ITSN1: variants seen among roughly 807,000 people sequenced by gnomAD.
The protein encoded by ITSN1 is intersectin 1.
Under a neutral mutation model 239.8 loss-of-function variants are expected in ITSN1, and 58 were observed. That is an observed-to-expected ratio of 0.24 (90% CI 0.20 to 0.30). The LOEUF is 0.30. Ranked by LOEUF, ITSN1 falls within the 10% of genes least tolerant of loss-of-function variation. The pLI is 1.00. For synonymous variants in ITSN1, 780 were observed against 770.8 expected, an observed-to-expected ratio of 1.01 and a Z score of -0.20; for missense variants, 1,558 against 2,103.3, an observed-to-expected ratio of 0.74 and a Z score of 5.07.
Position 33,893,482 on chromosome 21 carries a change from CAGG to C in ITSN1, c.*5186_*5188del, listed in dbSNP as rs1986502019. The stretch of plus-strand genomic sequence containing the variant: ...GCAGGCACCTGTAATCCCAGCTACT[CAGG>C]AGGCTGAGGCAGGAGAATCACTCGA... On this transcript the variant is annotated 3_prime_UTR_variant, in exon 40 of 40. Transcript: ENST00000381318. 1 of 152,178 alleles carries C rather than the reference CAGG, an allele frequency of 6.6e-6. No homozygotes were observed. The highest frequency in any genetic ancestry group is 2.1e-4 in the South Asian group (1 of 4,816). 9.4% of individuals were successfully genotyped at this position (152,178 alleles called of 1,614,324 possible).
intron 5 of ITSN1, among the ~76,000 whole-genome samples, chr21:33,736,864 A>T (rs368699962): frequency 6.6e-6 from 1 of 152,182 alleles, no homozygotes; most frequent in East Asian, 1.9e-4. Flanking sequence ...GGGTGCCTAT[A>T]GTCCCAGCCA....
At chr21:33,833,563 G>T (rs988544030) in intron 27 of ITSN1, among the ~76,000 whole-genome samples, 6 of 152,156 alleles carry the variant, frequency 3.9e-5, no homozygotes, top group African/African-American at 9.7e-5. Context: ...ACAGGGCCTG[G>T]CTCATAAAAA....
chr21:33,729,340 C>G (rs1040239283), intron 4 of ITSN1, among the ~76,000 whole-genome samples: 2 of 151,816 alleles, frequency 1.3e-5, no homozygotes, highest in Admixed American at 1.3e-4. Flanking sequence ...GTCTCAGCTA[C>G]TCAGAGGATG....
At chr21:33,774,144 C>T (rs552237878) in intron 12 of ITSN1, among the ~76,000 whole-genome samples, 10 of 152,034 alleles carry the variant, frequency 6.6e-5, no homozygotes, top group Non-Finnish European at 1.2e-4. Context: ...GTTGGATGAC[C>T]CATGAGTCAG....
intron 33 of ITSN1, among the ~76,000 whole-genome samples, chr21:33,872,749 C>T (rs934754091): frequency 4.6e-5 from 7 of 152,136 alleles, no homozygotes; most frequent in Admixed American, 1.3e-4. Context: ...CCAGGCTTGT[C>T]TCAAACTCCT....
chr21:33,685,246 C>T (rs548842443), intron 1 of ITSN1, among the ~76,000 whole-genome samples: 1 of 152,284 alleles, frequency 6.6e-6, no homozygotes, highest in East Asian at 1.9e-4. Flanking sequence ...TTTATGTTTT[C>T]ACTGGATATA....
At chr21:33,783,148 A>G (rs781104239) in intron 16 of ITSN1, among the ~76,000 whole-genome samples, 1 of 152,192 alleles carries the variant, frequency 6.6e-6, no homozygotes, top group Non-Finnish European at 1.5e-5. Context: ...AAGAAATTGG[A>G]TGTTATACTT....
chr21:33,760,758 A>G (rs1159170118), intron 8 of ITSN1, among the ~76,000 whole-genome samples: 1 of 152,200 alleles, frequency 6.6e-6, no homozygotes, highest in Non-Finnish European at 1.5e-5. Context: ...AATAGCAAAA[A>G]GCAAAAACAT....
intron 36 of ITSN1, among the ~76,000 whole-genome samples, chr21:33,884,662 T>A (rs550792509): frequency 6.6e-4 from 101 of 152,366 alleles, no homozygotes; most frequent in African/African-American, 2.4e-3. Context: ...GTGGTTTTTG[T>A]TCTTTCTTTG....
At chr21:33,748,324 TCTATAGTCCCAG>T in intron 5 of ITSN1, among the ~76,000 whole-genome samples, 1 of 152,134 alleles carries the variant, frequency 6.6e-6, no homozygotes, top group Admixed American at 6.5e-5. Context: ...GTGGTGCGTG[TCTATAGTCCCAG>T]CTACTTGGAG....
At chr21:33,696,550 G>A (rs1315294977) in intron 1 of ITSN1, among the ~76,000 whole-genome samples, 1 of 152,164 alleles carries the variant, frequency 6.6e-6, no homozygotes, top group Non-Finnish European at 1.5e-5. Flanking sequence ...ATGTTTAAAT[G>A]TAGGGCATTT....
At chr21:33,755,260 G>A (rs767024940) in intron 7 of ITSN1, 37 bp from the exon 8 acceptor site, 4 of 1,294,566 alleles carry the variant, frequency 3.1e-6, no homozygotes, top group Non-Finnish European at 3.3e-6. Context: ...GTTCCTTATG[G>A]ATAATCCTCT....
intron 29 of ITSN1, among the ~76,000 whole-genome samples, chr21:33,844,813 G>A (rs1414148050): frequency 3.9e-5 from 6 of 152,022 alleles, no homozygotes; most frequent in South Asian, 2.1e-4. Context: ...GACCCCACAC[G>A]GCCGAATCCT....
At chr21:33,844,847 G>C (rs1021182424) in intron 29 of ITSN1, among the ~76,000 whole-genome samples, 3 of 152,082 alleles carry the variant, frequency 2.0e-5, no homozygotes, top group Non-Finnish European at 4.4e-5. Flanking sequence ...CCACTGACTT[G>C]GTATCCAGTG....
chr21:33,852,625 A>C (rs1173254947), intron 29 of ITSN1, among the ~76,000 whole-genome samples: 1 of 152,154 alleles, frequency 6.6e-6, no homozygotes, highest in Non-Finnish European at 1.5e-5. Flanking sequence ...AAATGTGTCT[A>C]ACTAGGCAAC....
intron 39 of ITSN1, among the ~76,000 whole-genome samples, chr21:33,887,768 G>A (rs1424516608): frequency 6.6e-6 from 1 of 151,930 alleles, no homozygotes; most frequent in Non-Finnish European, 1.5e-5. Context: ...ACCATGCTAG[G>A]CTAATTTTTA....
At chr21:33,669,952 G>A (rs959467529) in intron 1 of ITSN1, among the ~76,000 whole-genome samples, 1 of 152,052 alleles carries the variant, frequency 6.6e-6, no homozygotes, top group African/African-American at 2.4e-5. Flanking sequence ...CTTAGTTCTG[G>A]AACTTCTCTC....
rs765375043 is a variant in ITSN1, at chr21:33,735,057, A to G, written c.199A>G (p.Met67Val). The change falls in exon 5 of 40, where the codon ATG becomes GTG. Residue 67 changes from methionine to valine, a missense_variant. Met to Val is a conservative substitution (Grantham distance 21). Coordinates refer to ENST00000381318, the MANE Select transcript of ITSN1 (RefSeq NM_003024.3). ...GTTGGTTTGCAGGGCACTAGCTGACATGAATAATGATGGAAGAATGGATCA... is the reference window on the plus strand; with the variant it reads ...GTTGGTTTGCAGGGCACTAGCTGACGTGAATAATGATGGAAGAATGGATCA... ...VLAQIWALAD[M>V]NNDGRMDQVE... The G allele has an allele frequency of 1.4e-5, 23 of 1,612,342 alleles. No homozygotes were observed. In the African/African-American group the frequency reaches 2.3e-4, roughly 16 times the overall value.
chr21:33,673,362 C>T (rs191223719), intron 1 of ITSN1, among the ~76,000 whole-genome samples: 1 of 152,178 alleles, frequency 6.6e-6, no homozygotes. Context: ...GGAAAATTTG[C>T]TGAGAGTAGA....
Sources: gnomAD v4.1 joint callset for allele counts (sites outside exome capture counted in the v4.1 genomes callset) on GRCh38, gnomAD v4.1.1 for gene constraint, MANE v1.5 for transcripts, NCBI Gene and HGNC (gene_info 2026-07-23, HGNC 2026-07-21) for gene names.